IMPG1: variants seen among roughly 807,000 people sequenced by gnomAD.
IMPG1 encodes interphotoreceptor matrix proteoglycan 1, also known as interphotoreceptor matrix proteoglycan of 150 kDa.
In IMPG1, 85 loss-of-function variants were observed where a neutral mutation model predicts 92.0. That is an observed-to-expected ratio of 0.92 (90% confidence interval 0.78 to 1.11). The LOEUF (loss-of-function observed/expected upper bound fraction) is 1.11, where lower values mean the gene tolerates loss of function less well. IMPG1 is among the 50% of genes least tolerant of loss of function. The probability of loss-of-function intolerance (pLI) is 0.00; values close to 1 mark genes in which losing one functional copy is unlikely to be tolerated. For synonymous variants in IMPG1, 367 were observed against 334.1 expected, an observed-to-expected ratio of 1.10 and a Z score of -1.08; for missense variants, 1,022 against 956.0, an observed-to-expected ratio of 1.07 and a Z score of -0.91.
At chr6:75,974,690 A>T (rs574890470) in intron 12 of IMPG1, among the ~76,000 whole-genome samples, 2 of 151,432 alleles carry the variant, frequency 1.3e-5, no homozygotes, top group South Asian at 4.2e-4. Context: ...TAATTTTTAT[A>T]TTTTTAGTAG....
chr6:75,993,913 T>C (rs1782856620), intron 12 of IMPG1, among the ~76,000 whole-genome samples: 1 of 152,012 alleles, frequency 6.6e-6, no homozygotes, highest in Non-Finnish European at 1.5e-5. Flanking sequence ...CCAGCAAGTG[T>C]GAAAGGAAAC....
Position 75,950,794 on chromosome 6 carries a change from G to A in IMPG1, c.1592C>T (p.Ser531Phe). ...ATATTCGCTGAGCTCTGGTACCTCA[G>A]ATGGGGCAGGAGTGTCAGACAGATC... is the stretch of plus-strand genomic sequence containing the variant. ...EMDLSDTPAPSEVPELSEYVS... is the reference protein window; with the variant it reads ...EMDLSDTPAPFEVPELSEYVS... Residue 531 changes from serine to phenylalanine, a missense_variant, in exon 13 of 17, where the codon TCT (serine) becomes TTT (phenylalanine). By Grantham distance (155) the Ser-to-Phe change is radical. Transcript: ENST00000369950. The A allele has an allele frequency of 6.2e-7, 1 of 1,613,982 alleles. No individual in the cohort carries two copies. The highest frequency in any genetic ancestry group is 8.5e-7 in the Non-Finnish European group (1 of 1,179,930).
chr6:76,047,537 T>A (rs1783967708), intron 1 of IMPG1, among the ~76,000 whole-genome samples: 1 of 152,162 alleles, frequency 6.6e-6, no homozygotes, highest in African/African-American at 2.4e-5. Flanking sequence ...GAATACTAAT[T>A]TGTTGTAAAT....
intron 1 of IMPG1, among the ~76,000 whole-genome samples, chr6:76,062,165 T>G (rs1454360756): frequency 6.6e-6 from 1 of 152,188 alleles, no homozygotes; most frequent in Admixed American, 6.5e-5. Context: ...TCAAATACCA[T>G]AAAGCTGTTT....
At chr6:75,965,588 A>G (rs141213703) in intron 12 of IMPG1, among the ~76,000 whole-genome samples, 15 of 108,170 alleles carry the variant, frequency 1.4e-4, no homozygotes, top group Middle Eastern at 5.1e-3. Context: ...AATTGTTTAT[A>G]TTTTCTACAT....
intron 12 of IMPG1, among the ~76,000 whole-genome samples, chr6:75,999,558 C>CT (rs1158747830): frequency 3.3e-5 from 5 of 151,472 alleles, no homozygotes; most frequent in South Asian, 2.1e-4. Flanking sequence ...TGCCCCTGCA[C>CT]TTTTTTTTTG....
chr6:76,040,518 C>A (rs537840319), intron 2 of IMPG1, among the ~76,000 whole-genome samples: 1 of 152,140 alleles, frequency 6.6e-6, no homozygotes, highest in Non-Finnish European at 1.5e-5. Flanking sequence ...TCTATTTTCC[C>A]AATGGGCTCT....
At chr6:76,069,342 A>G (rs1212082166) in intron 1 of IMPG1, among the ~76,000 whole-genome samples, 1 of 152,208 alleles carries the variant, frequency 6.6e-6, no homozygotes, top group African/African-American at 2.4e-5. Flanking sequence ...AGAACTCAAA[A>G]GCAAATGTAA....
intron 15 of IMPG1, among the ~76,000 whole-genome samples, chr6:75,929,561 A>C (rs1260412183): frequency 2.6e-5 from 1 of 38,246 alleles, no homozygotes; most frequent in Non-Finnish European, 4.8e-5. Flanking sequence ...GGGTGGGGGG[A>C]GGGGGGAGGG....
intron 1 of IMPG1, among the ~76,000 whole-genome samples, chr6:76,048,350 A>G (rs1488020164): frequency 1.3e-5 from 2 of 152,138 alleles, no homozygotes; most frequent in Non-Finnish European, 2.9e-5. Context: ...CTTCTTGCTG[A>G]TTCTTTCTCT....
In IMPG1 at chr6:75,947,420, C is replaced by T. The variant is rs201013836; in HGVS notation, c.1938G>A (p.Pro646=). The change falls in exon 14 of 17, where the codon CCG becomes CCA. Residue 646 remains proline (P), a synonymous_variant. Coordinates refer to ENST00000369950, the MANE Select transcript of IMPG1 (RefSeq NM_001563.4). ...NSKMKFAKSV[P]YNLTKAVHGV... is the part of the protein sequence containing the mutation. ...CGTGCACAGCCTTGGTGAGGTTATA[C>T]GGCACTGACTTAGCAAACTTCATTT... 1.6e-4 allele frequency: 262 copies of T among 1,613,742 alleles called. No homozygotes were observed. The highest frequency in any genetic ancestry group is 3.8e-4 in the Admixed American group (23 of 59,974).
At chr6:75,929,322 C>T (rs1317028520) in intron 15 of IMPG1, among the ~76,000 whole-genome samples, 2 of 152,002 alleles carry the variant, frequency 1.3e-5, no homozygotes, top group Non-Finnish European at 2.9e-5. Context: ...TTGGATTTCC[C>T]TGATGATAGT....
At chr6:75,924,061 T>TAGAATGGCTATTATC (rs1781478298) in intron 15 of IMPG1, among the ~76,000 whole-genome samples, 1 of 152,038 alleles carries the variant, frequency 6.6e-6, no homozygotes, top group African/African-American at 2.4e-5. Context: ...TTATTCCAGT[T>TAGAATGGCTATTATC]AGAATGGCTA....
At chr6:75,972,130 T>C (rs1482978570) in intron 12 of IMPG1, among the ~76,000 whole-genome samples, 1 of 152,160 alleles carries the variant, frequency 6.6e-6, no homozygotes, top group African/African-American at 2.4e-5. Context: ...CTTATATATA[T>C]AAATCTTGTT....
intron 12 of IMPG1, among the ~76,000 whole-genome samples, chr6:75,996,424 C>G: frequency 6.6e-6 from 1 of 152,200 alleles, no homozygotes; most frequent in Non-Finnish European, 1.5e-5. Flanking sequence ...CAATTTCTAA[C>G]TACAACCACC....
intron 1 of IMPG1, among the ~76,000 whole-genome samples, chr6:76,055,485 C>T (rs1055960027): frequency 3.3e-5 from 5 of 151,576 alleles, no homozygotes; most frequent in African/African-American, 1.2e-4. Context: ...CCTATGCATC[C>T]ATCTTAAAAG....
intron 4 of IMPG1, among the ~76,000 whole-genome samples, chr6:76,027,077 AT>A (rs1036692059): frequency 6.6e-6 from 1 of 152,308 alleles, no homozygotes. Flanking sequence ...CTTGGATCTA[AT>A]TTTTTTAAGG....
intron 12 of IMPG1, among the ~76,000 whole-genome samples, chr6:75,988,702 T>C (rs1418779651): frequency 2.0e-5 from 3 of 152,176 alleles, no homozygotes; most frequent in Non-Finnish European, 4.4e-5. Context: ...TAACTAGTTC[T>C]GCTTGCCTCC....
intron 6 of IMPG1, 125 bp downstream of exon 6, chr6:76,021,991 A>G (rs992676079): frequency 3.8e-6 from 2 of 528,990 alleles, no homozygotes; most frequent in Admixed American, 4.8e-5. Flanking sequence ...CTGACTCTTA[A>G]CCAGAGTCAC....
Sources: gnomAD v4.1 joint callset for allele counts (sites outside exome capture counted in the v4.1 genomes callset) on GRCh38, gnomAD v4.1.1 for gene constraint, MANE v1.5 for transcripts, NCBI Gene and HGNC (gene_info 2026-07-23, HGNC 2026-07-21) for gene names.